The following PCDH15 variants were observed in gnomAD, a reference collection of about 807,000 sequenced individuals.
PCDH15 encodes protocadherin related 15.
A neutral mutation model predicts 178.5 loss-of-function variants in PCDH15; 129 were observed. The observed-to-expected ratio is 0.72, with a 90% CI of 0.63 to 0.84. PCDH15 has a LOEUF of 0.84. Among genes scored for constraint, PCDH15 ranks in the 40% least tolerant of loss-of-function variants. The probability of loss-of-function intolerance (pLI) is 0.00; values close to 1 mark genes in which losing one functional copy is unlikely to be tolerated. For missense variants in PCDH15, 2,230 were observed against 2,099.9 expected (o/e 1.06, Z -1.21); for synonymous variants, 800 against 732.0 (o/e 1.09, Z -1.50).
intron 2 of PCDH15, among the ~76,000 whole-genome samples, chr10:55,527,878 G>A (rs1421955614): frequency 6.6e-6 from 1 of 151,722 alleles, no homozygotes; most frequent in African/African-American, 2.4e-5. Flanking sequence ...ACAACAATGA[G>A]GTAGCTAATT....
At chr10:55,259,902 C>CAA (rs749939571) in intron 1 of PCDH15, among the ~76,000 whole-genome samples, 1 of 52,012 alleles carries the variant, frequency 1.9e-5, no homozygotes, top group African/African-American at 7.6e-5. Context: ...AACTCCGTCT[C>CAA]AAAAAAAAAA....
intron 2 of PCDH15, among the ~76,000 whole-genome samples, chr10:55,556,804 G>T (rs1001801990): frequency 6.6e-6 from 1 of 152,154 alleles, no homozygotes; most frequent in Non-Finnish European, 1.5e-5. Context: ...TCGCACCACT[G>T]TACTCTATCG....
At chr10:55,281,975 A>G (rs549355933) in intron 1 of PCDH15, among the ~76,000 whole-genome samples, 1 of 152,334 alleles carries the variant, frequency 6.6e-6, no homozygotes, top group South Asian at 2.1e-4. Flanking sequence ...TTACCATTAT[A>G]TCTGACCTGG....
chr10:55,347,162 A>G (rs535509843), intron 2 of PCDH15, among the ~76,000 whole-genome samples: 6 of 152,134 alleles, frequency 3.9e-5, no homozygotes, highest in Non-Finnish European at 5.9e-5. Flanking sequence ...TTGTAGTGAG[A>G]TGAGATCGTG....
intron 27 of PCDH15, among the ~76,000 whole-genome samples, chr10:53,865,235 T>C (rs917803750): frequency 3.3e-5 from 5 of 152,134 alleles, no homozygotes; most frequent in Admixed American, 1.3e-4. Context: ...GAATATGACA[T>C]AGAGAAAGAA....
At chr10:55,483,190 C>T (rs898707568) in intron 2 of PCDH15, among the ~76,000 whole-genome samples, 1 of 151,666 alleles carries the variant, frequency 6.6e-6, no homozygotes, top group Non-Finnish European at 1.5e-5. Context: ...ACAGAATAAA[C>T]AGACAACCTG....
At position 54,972,731 on chromosome 10, in the gene PCDH15, C is replaced by A. The variant is rs183317825; in HGVS notation, c.-79-75231G>T. Among the ~76,000 whole-genome samples the A allele has an allele frequency of 1.3e-3, 204 of 151,262 alleles. 2 individuals are homozygous for A. The highest frequency in any genetic ancestry group is 4.8e-3 in the African/African-American group (199 of 41,202). ...AGGCGTGGTGGCACGTGCCTGTAGT[C>A]CCAGCTACTTGGGAGGCTGAGGCAG... On this transcript the variant is annotated intron_variant, in intron 2 of 5. Transcript: ENST00000458638.
chr10:55,541,816 C>T (rs898379093), intron 2 of PCDH15, among the ~76,000 whole-genome samples: 1 of 151,724 alleles, frequency 6.6e-6, no homozygotes, highest in African/African-American at 2.4e-5. Context: ...TTGATGTGGT[C>T]AAAGTTAGCA....
At chr10:53,953,788 GT>G (rs1185555382) in intron 23 of PCDH15, among the ~76,000 whole-genome samples, 2 of 151,996 alleles carry the variant, frequency 1.3e-5, no homozygotes, top group South Asian at 4.2e-4. Flanking sequence ...GTTCTGTTTT[GT>G]TTTGTTTTGT....
chr10:54,483,608 G>C (rs959144975), intron 3 of PCDH15, among the ~76,000 whole-genome samples: 1 of 151,674 alleles, frequency 6.6e-6, no homozygotes, highest in Non-Finnish European at 1.5e-5. Context: ...ACCAACAGAA[G>C]GTGATAGGAT....
At chr10:54,798,252 C>G (rs1327598085) in intron 1 of PCDH15, among the ~76,000 whole-genome samples, 1 of 151,858 alleles carries the variant, frequency 6.6e-6, no homozygotes, top group African/African-American at 2.4e-5. Flanking sequence ...CTTCCAATAC[C>G]CTTGGATGCA....
At chr10:55,358,718 G>A (rs564616789) in intron 2 of PCDH15, among the ~76,000 whole-genome samples, 190 of 152,142 alleles carry the variant, frequency 1.2e-3, no homozygotes, top group African/African-American at 3.9e-3. Flanking sequence ...CTTTGCACAT[G>A]TGTTAACAGT....
At chr10:54,386,825 C>T (rs777241854) in intron 3 of PCDH15, among the ~76,000 whole-genome samples, 2 of 152,022 alleles carry the variant, frequency 1.3e-5, no homozygotes, top group Admixed American at 6.6e-5. Context: ...CAAGTGTTGG[C>T]GAGGATGTGG....
chr10:55,221,019 G>T (rs1171617011), intron 1 of PCDH15, among the ~76,000 whole-genome samples: 3 of 152,008 alleles, frequency 2.0e-5, no homozygotes, highest in African/African-American at 7.3e-5. Context: ...CCACCCAAAG[G>T]CTCATCATCA....
rs893893962 is a variant in PCDH15 at position 55,526,242 on chromosome 10, A to AT, written c.-156+101382dup. ...TATAATAGATAATCAACACAATTCT[A>AT]TTTTTTTCATTTCATATAGTAAAAA... On this transcript the variant is annotated intron_variant, in intron 2 of 5. Coordinates refer to the PCDH15 transcript ENST00000613346. Among the ~76,000 whole-genome samples, 21 of 151,992 alleles carry AT rather than the reference A, an allele frequency of 1.4e-4. 1 individual carries two copies. Among genetic ancestry groups the AT allele is most frequent in the African/African-American group, 4.8e-4 (20 of 41,524 alleles).
chr10:54,775,866 A>G (rs1380335154), intron 1 of PCDH15, among the ~76,000 whole-genome samples: 1 of 152,178 alleles, frequency 6.6e-6, no homozygotes, highest in Non-Finnish European at 1.5e-5. Flanking sequence ...AGCCTGGGCG[A>G]CAGAGCAAGA....
In PCDH15 at chr10:53,925,896, G is replaced by A. The variant is rs186132428; in HGVS notation, c.3373+12919C>T. 2.0e-3 allele frequency among the ~76,000 whole-genome samples: 311 copies of A among 152,164 alleles called. 2 individuals are homozygous for A. Among genetic ancestry groups the A allele is most frequent in the African/African-American group, 6.7e-3 (277 of 41,518 alleles). The stretch of plus-strand genomic sequence containing the variant: ...TACATTTGTACCACGTGAGACTAGC[G>A]ACGCTTGGCATAACAATTCCTTGAC... On this transcript the variant is annotated intron_variant, in intron 25 of 37. Coordinates refer to ENST00000644397, the MANE Select transcript of PCDH15 (RefSeq NM_001384140.1).
At chr10:54,889,321 A>G (rs1371219826) in intron 3 of PCDH15, among the ~76,000 whole-genome samples, 1 of 151,798 alleles carries the variant, frequency 6.6e-6, no homozygotes, top group Non-Finnish European at 1.5e-5. Context: ...TGAATAGTAT[A>G]GTCTCTGAGT....
intron 2 of PCDH15, among the ~76,000 whole-genome samples, chr10:54,978,615 ATC>A (rs1839135972): frequency 6.6e-6 from 1 of 152,132 alleles, no homozygotes; most frequent in Non-Finnish European, 1.5e-5. Context: ...AAGTGGGTCT[ATC>A]TCTCTGTTTT....
Sources: allele counts gnomAD v4.1 joint callset (sites outside exome capture counted in the v4.1 genomes callset), GRCh38; gene constraint gnomAD v4.1.1; transcripts MANE v1.5; gene names NCBI Gene and HGNC (gene_info 2026-07-23, HGNC 2026-07-21).